Variants in ULK4 observed in about 807,000 individuals in gnomAD.
The protein encoded by ULK4 is inactive serine/threonine-protein kinase ULK4.
ULK4 carries 133 observed loss-of-function variants against 160.6 expected under a neutral mutation model. The observed-to-expected ratio is 0.83, with a 90% confidence interval of 0.72 to 0.96. The LOEUF is 0.96. Ranked by LOEUF, ULK4 falls within the 40% of genes least tolerant of loss-of-function variation. The pLI is 0.00. For synonymous variants in ULK4, 534 were observed against 539.8 expected, an observed-to-expected ratio of 0.99 and a Z score of 0.15; for missense variants, 1,580 against 1,499.5, an observed-to-expected ratio of 1.05 and a Z score of -0.89.
chr3:41,599,554 A>ATTTCCT (rs2031916698), intron 31 of ULK4, among the ~76,000 whole-genome samples: 1 of 139,926 alleles, frequency 7.1e-6, no homozygotes, highest in East Asian at 2.0e-4. Context: ...CAGAAAAGGC[A>ATTTCCT]TTTTCTTTTT....
intron 1 of ULK4, among the ~76,000 whole-genome samples, chr3:41,955,989 C>A (rs762702817): frequency 2.0e-5 from 3 of 152,080 alleles, no homozygotes. Context: ...AGGCAGGGAA[C>A]CTAAGGCTGT....
chr3:41,680,491 AC>A (rs533913900), intron 29 of ULK4, among the ~76,000 whole-genome samples: 397 of 152,232 alleles, frequency 2.6e-3, no homozygotes, highest in African/African-American at 9.1e-3. Flanking sequence ...ACCTTCCTCA[AC>A]CAACTGGAGT....
At chr3:41,305,789 GGCC>G (rs1399077036) in intron 35 of ULK4, among the ~76,000 whole-genome samples, 1 of 147,628 alleles carries the variant, frequency 6.8e-6, no homozygotes, top group Non-Finnish European at 1.5e-5. Context: ...ACCTCTTCCC[GGCC>G]GCCATCACAT....
intron 34 of ULK4, among the ~76,000 whole-genome samples, chr3:41,445,743 A>C (rs1442555009): frequency 1.3e-5 from 2 of 152,192 alleles, no homozygotes; most frequent in Non-Finnish European, 2.9e-5. Context: ...TTAAAGACTT[A>C]CATGTTAGAC....
At position 41,904,039 on chromosome 3, in the gene ULK4, C is replaced by G. The variant is rs1231447783; in HGVS notation, c.1183-3210G>C. Among the ~76,000 whole-genome samples the G allele has an allele frequency of 3.4e-5, 5 of 147,702 alleles. No homozygotes were observed. In the South Asian group the frequency reaches 1.1e-3, roughly 32 times the overall value. ...ATCAGTGTTTACCCGGGAATTATAT[C>G]GTAAATAATTTTTCTATTTTCTTTG... On this transcript the variant is annotated intron_variant, in intron 12 of 36. Transcript: ENST00000301831.
intron 18 of ULK4, among the ~76,000 whole-genome samples, chr3:41,831,383 A>C (rs2041577064): frequency 6.6e-6 from 1 of 151,098 alleles, no homozygotes; most frequent in Admixed American, 6.6e-5. Context: ...ATTATTAAGA[A>C]ACAGCTCCAG....
intron 32 of ULK4, among the ~76,000 whole-genome samples, chr3:41,525,369 C>T (rs1020666343): frequency 3.3e-5 from 5 of 152,190 alleles, no homozygotes; most frequent in African/African-American, 9.7e-5. Flanking sequence ...TATTTTGATG[C>T]ACATGCTGAA....
intron 31 of ULK4, among the ~76,000 whole-genome samples, chr3:41,599,570 T>TC (rs1553618144): frequency 6.8e-6 from 1 of 146,014 alleles, no homozygotes; most frequent in Non-Finnish European, 1.5e-5. Flanking sequence ...TTTTTCTTTT[T>TC]TTTTTTTTTT....
At chr3:41,279,270 A>AAAC (rs1353877212) in intron 35 of ULK4, among the ~76,000 whole-genome samples, 4 of 146,404 alleles carry the variant, frequency 2.7e-5, no homozygotes, top group African/African-American at 1.1e-4. Flanking sequence ...AAAAAAAAAA[A>AAAC]AAAAACAAAA....
rs749487127 is a variant in ULK4, at chr3:41,937,388, CTTCT to C, written c.238+706_238+709del. On this transcript the variant is annotated intron_variant, in intron 3 of 36. Transcript: ENST00000301831. Reference sequence around the variant, plus strand: ...TCAAATAAGTTATTAATCCAAATTACTTCTTTAAGTTTTATAAATTCTAAGTATC... The same window carrying C: ...TCAAATAAGTTATTAATCCAAATTACTTAAGTTTTATAAATTCTAAGTATC... The C allele has an allele frequency of 1.7e-4, 115 of 672,910 alleles. 1 individual carries two copies. Among genetic ancestry groups the C allele is most frequent in the East Asian group, 2.7e-4 (10 of 36,932 alleles). 41.7% of individuals were successfully genotyped at this position (672,910 alleles called of 1,614,324 possible).
intron 35 of ULK4, chr3:41,258,261 T>C (rs1299380765): frequency 6.6e-6 from 1 of 152,204 alleles, no homozygotes; most frequent in Non-Finnish European, 1.5e-5. Flanking sequence ...TACTCCTCTT[T>C]TGAGCTACTT....
At chr3:41,609,192 C>T (rs1260354694) in intron 31 of ULK4, among the ~76,000 whole-genome samples, 1 of 151,860 alleles carries the variant, frequency 6.6e-6, no homozygotes, top group East Asian at 1.9e-4. Flanking sequence ...AATAAAATTT[C>T]TCTTTATTTG....
At chr3:41,616,263 T>C (rs1203124918) in intron 30 of ULK4, among the ~76,000 whole-genome samples, 1 of 152,194 alleles carries the variant, frequency 6.6e-6, no homozygotes, top group African/African-American at 2.4e-5. Flanking sequence ...AATTTTTTCA[T>C]AAAAGAGAAA....
At chr3:41,403,324 T>C (rs145492768) in intron 34 of ULK4, among the ~76,000 whole-genome samples, 174 of 152,266 alleles carry the variant, frequency 1.1e-3, no homozygotes, top group East Asian at 7.0e-3. Flanking sequence ...GTTGGTTGAG[T>C]TCTGGTAGTT....
intron 27 of ULK4, among the ~76,000 whole-genome samples, chr3:41,689,250 T>G (rs2036202144): frequency 6.6e-6 from 1 of 152,220 alleles, no homozygotes; most frequent in South Asian, 2.1e-4. Context: ...TCTCATTTGG[T>G]TGGTCTTTGT....
At chr3:41,377,610 A>C (rs1433592049) in intron 35 of ULK4, among the ~76,000 whole-genome samples, 27 of 143,834 alleles carry the variant, frequency 1.9e-4, no homozygotes, top group South Asian at 1.6e-3. Flanking sequence ...GCAGCCAAAA[A>C]ACACATGAAA....
At chr3:41,722,223 C>T (rs556299375) in intron 22 of ULK4, among the ~76,000 whole-genome samples, 4 of 152,252 alleles carry the variant, frequency 2.6e-5, no homozygotes, top group Non-Finnish European at 5.9e-5. Context: ...GAGAAAATCC[C>T]TAGAGAAGGC....
intron 29 of ULK4, among the ~76,000 whole-genome samples, chr3:41,670,204 A>G (rs2035492019): frequency 6.6e-6 from 1 of 152,198 alleles, no homozygotes; most frequent in African/African-American, 2.4e-5. Flanking sequence ...GCCAAACAGC[A>G]AGGACACTGA....
At chr3:41,615,549 T>C (rs1575485771) in intron 31 of ULK4, 120 bp downstream of exon 31, 6 of 890,818 alleles carry the variant, frequency 6.7e-6, no homozygotes, top group South Asian at 5.4e-5. Flanking sequence ...AGTGTGATGA[T>C]GATGGACGTA....
Sources: allele counts gnomAD v4.1 joint callset (sites outside exome capture counted in the v4.1 genomes callset), GRCh38; gene constraint gnomAD v4.1.1; transcripts MANE v1.5; gene names NCBI Gene and HGNC (gene_info 2026-07-23, HGNC 2026-07-21).